The following EYS variants were observed in gnomAD, a reference collection of about 807,000 sequenced individuals.
The protein encoded by EYS is protein eyes shut homolog.
Under a neutral mutation model 282.1 loss-of-function variants are expected in EYS, and 250 were observed. That is an observed-to-expected ratio of 0.89 (90% CI 0.80 to 0.98). EYS has a LOEUF of 0.98. Among genes scored for constraint, EYS ranks in the 50% least tolerant of loss-of-function variants. The probability of loss-of-function intolerance (pLI) is 0.00; values close to 1 mark genes in which losing one functional copy is unlikely to be tolerated. For synonymous variants in EYS, 1,355 were observed against 1,282.9 expected (o/e 1.06, Z -1.20); for missense variants, 4,016 against 3,709.0 (o/e 1.08, Z -2.15).
chr6:64,328,048 C>T (rs1373345935), intron 29 of EYS, among the ~76,000 whole-genome samples: 1 of 152,150 alleles, frequency 6.6e-6, no homozygotes, highest in Non-Finnish European at 1.5e-5. Flanking sequence ...GAATGAAGTC[C>T]AAGGGGGAGA....
At chr6:65,301,929 A>C (rs1428506392) in intron 11 of EYS, among the ~76,000 whole-genome samples, 4 of 152,266 alleles carry the variant, frequency 2.6e-5, no homozygotes, top group African/African-American at 7.2e-5. Context: ...TGCCCAAAAA[A>C]TTCCTGGAAA....
chr6:64,296,452 C>T (rs982722826), intron 30 of EYS, among the ~76,000 whole-genome samples: 22 of 150,802 alleles, frequency 1.5e-4, no homozygotes, highest in African/African-American at 5.4e-4. Context: ...ATGAGTTTAT[C>T]ATTTTATAAG....
intron 5 of EYS, among the ~76,000 whole-genome samples, chr6:65,473,742 T>C (rs1765299621): frequency 6.6e-6 from 1 of 151,636 alleles, no homozygotes; most frequent in South Asian, 2.1e-4. Context: ...AAATAGTAGA[T>C]ATGGGGTGAC....
intron 36 of EYS, among the ~76,000 whole-genome samples, chr6:63,815,733 A>G (rs2149683379): frequency 6.6e-6 from 1 of 152,302 alleles, no homozygotes; most frequent in Admixed American, 6.5e-5. Flanking sequence ...TAAATAAAAA[A>G]CTGGTTTAAA....
chr6:65,686,032 C>A (rs2149840891), intron 1 of EYS, among the ~76,000 whole-genome samples: 1 of 152,152 alleles, frequency 6.6e-6, no homozygotes, highest in South Asian at 2.1e-4. Flanking sequence ...TCTTCCTCAA[C>A]TTCAGGAATT....
At chr6:64,572,911 G>GA (rs60862238) in intron 26 of EYS, among the ~76,000 whole-genome samples, 13,654 of 151,554 alleles carry the variant, frequency 0.09, 731 homozygotes, top group East Asian at 0.27. Context: ...TACAAAATTA[G>GA]AAAAAAAACT....
chr6:64,429,861 A>C (rs994083258), intron 28 of EYS, among the ~76,000 whole-genome samples: 1 of 152,196 alleles, frequency 6.6e-6, no homozygotes, highest in Non-Finnish European at 1.5e-5. Flanking sequence ...AATGAAAATC[A>C]ATTGTTCATT....
chr6:63,780,110 G>C (rs1331684586), intron 39 of EYS, among the ~76,000 whole-genome samples: 3 of 152,156 alleles, frequency 2.0e-5, no homozygotes, highest in Admixed American at 1.3e-4. Flanking sequence ...GTATTCCATG[G>C]TGTATATGTG....
intron 12 of EYS, among the ~76,000 whole-genome samples, chr6:65,185,206 C>G (rs1765488933): frequency 6.6e-6 from 1 of 151,698 alleles, no homozygotes; most frequent in Admixed American, 6.6e-5. Flanking sequence ...TTTTGATATA[C>G]TTATTACATA....
chr6:64,623,214 A>C (rs182121496), intron 23 of EYS, among the ~76,000 whole-genome samples: 14 of 152,266 alleles, frequency 9.2e-5, no homozygotes, highest in Non-Finnish European at 1.9e-4. Flanking sequence ...CATTACTATT[A>C]ACTATAGGCA....
intron 14 of EYS, among the ~76,000 whole-genome samples, chr6:64,951,079 G>C (rs1205822240): frequency 6.6e-6 from 1 of 151,562 alleles, no homozygotes; most frequent in Non-Finnish European, 1.5e-5. Flanking sequence ...TCCGTGAAGA[G>C]AAGAACAGAG....
chr6:63,973,819 C>G (rs1308865590), intron 35 of EYS, among the ~76,000 whole-genome samples: 1 of 152,064 alleles, frequency 6.6e-6, no homozygotes, highest in African/African-American at 2.4e-5. Flanking sequence ...TATATACTCT[C>G]AAGTCTTTAC....
chr6:64,977,619 G>A (rs1196600359), intron 14 of EYS, among the ~76,000 whole-genome samples: 1 of 151,020 alleles, frequency 6.6e-6, no homozygotes, highest in African/African-American at 2.4e-5. Flanking sequence ...AGCCAAGAGA[G>A]GCTGAAAGCT....
At chr6:64,481,480 C>A (rs1478883655) in intron 26 of EYS, among the ~76,000 whole-genome samples, 1 of 149,960 alleles carries the variant, frequency 6.7e-6, no homozygotes, top group East Asian at 2.0e-4. Flanking sequence ...TTTTGAATTT[C>A]TCTGAAATTC....
chr6:64,728,537 GCATTAT>G (rs1771843925), intron 22 of EYS, among the ~76,000 whole-genome samples: 1 of 151,918 alleles, frequency 6.6e-6, no homozygotes, highest in Non-Finnish European at 1.5e-5. Flanking sequence ...GGGTTTCACC[GCATTAT>G]CCAGGATGGT....
At position 64,436,350 on chromosome 6, in the gene EYS, C is replaced by G. The variant is rs1774747254; in HGVS notation, c.5836-85G>C. 3 of 706,730 alleles carry G rather than the reference C, an allele frequency of 4.2e-6. No individual in the cohort carries two copies. The South Asian group carries it at 5.7e-5, about 14-fold the overall frequency. 43.8% of individuals were successfully genotyped at this position (706,730 alleles called of 1,614,324 possible). The stretch of plus-strand genomic sequence containing the variant: ...ATTTGCACTGGACTTTATTATTTAT[C>G]AATATATTTTACATCACTTTGGAGA... On this transcript the variant is annotated intron_variant, in intron 27 of 42. Coordinates refer to ENST00000503581, the MANE Select transcript of EYS (RefSeq NM_001142800.2).
At chr6:65,057,067 A>C (rs1414222159) in intron 13 of EYS, among the ~76,000 whole-genome samples, 1 of 151,984 alleles carries the variant, frequency 6.6e-6, no homozygotes, top group Non-Finnish European at 1.5e-5. Context: ...AAGAGATACT[A>C]AAGTTCAAGG....
intron 22 of EYS, among the ~76,000 whole-genome samples, chr6:64,685,944 T>C (rs1040475903): frequency 6.6e-6 from 1 of 151,916 alleles, no homozygotes; most frequent in Non-Finnish European, 1.5e-5. Context: ...TCTTATAGAG[T>C]ATGTTTTCTG....
In EYS at chr6:64,951,820, G is replaced by A. The variant is rs571695587; in HGVS notation, c.2260-5906C>T. On this transcript the variant is annotated intron_variant, in intron 14 of 42. Coordinates refer to ENST00000503581, the MANE Select transcript of EYS (RefSeq NM_001142800.2). Reference sequence around the variant, plus strand: ...GGATATAACAGTCATAAAAGAAAACGAAATATGGGAACTAATGAAAATAGC... The same window carrying A: ...GGATATAACAGTCATAAAAGAAAACAAAATATGGGAACTAATGAAAATAGC... Among the ~76,000 whole-genome samples, 41 of 151,720 alleles carry A rather than the reference G, an allele frequency of 2.7e-4. 1 individual carries two copies. The South Asian group carries it at 3.1e-3, about 12-fold the overall frequency.
Sources: gnomAD v4.1 joint callset for allele counts (sites outside exome capture counted in the v4.1 genomes callset) on GRCh38, gnomAD v4.1.1 for gene constraint, MANE v1.5 for transcripts, NCBI Gene and HGNC (gene_info 2026-07-23, HGNC 2026-07-21) for gene names.